The following LOC400499 variants were observed in gnomAD, a reference collection of about 807,000 sequenced individuals.
At chr16:11,434,234 GT>G in the LOC400499 span, among the ~76,000 whole-genome samples, 1 of 152,156 alleles carries the variant, frequency 6.6e-6, no homozygotes, top group Non-Finnish European at 1.5e-5. Flanking sequence ...TACTCTATAA[GT>G]AATAATGTAT....
chr16:11,521,846 C>T, the LOC400499 span: 3 of 397,638 alleles, frequency 7.5e-6, no homozygotes, highest in African/African-American at 6.2e-5. Context: ...CCTCAGAAAG[C>T]TCCTCTGTTG....
the LOC400499 span, chr16:11,384,802 G>T: frequency 1.7e-6 from 2 of 1,155,866 alleles, no homozygotes; most frequent in Non-Finnish European, 1.1e-6. Context: ...ATGCACGGTA[G>T]CCCCCTGCCG....
the LOC400499 span, among the ~76,000 whole-genome samples, chr16:11,422,166 C>T: frequency 1.3e-5 from 2 of 152,272 alleles, no homozygotes; most frequent in African/African-American, 2.4e-5. Context: ...TTTGGGAGGC[C>T]GAAACGGGCC....
At chr16:11,422,715 G>T in the LOC400499 span, among the ~76,000 whole-genome samples, 2 of 152,182 alleles carry the variant, frequency 1.3e-5, no homozygotes, top group Non-Finnish European at 2.9e-5. Context: ...ACGCTCAGGT[G>T]GCAGTGGTGG....
chr16:11,479,779 T>C, the LOC400499 span, among the ~76,000 whole-genome samples: 16 of 152,334 alleles, frequency 1.1e-4, no homozygotes, highest in African/African-American at 3.8e-4. Context: ...TTCTATCAAC[T>C]AAACTCCAGA....
chr16:11,519,268 GAATAT>G, the LOC400499 span, among the ~76,000 whole-genome samples: 7 of 152,204 alleles, frequency 4.6e-5, no homozygotes, highest in African/African-American at 1.7e-4. Context: ...GCACCAACAA[GAATAT>G]GTTACATTGT....
chr16:11,450,670 C>T, the LOC400499 span: 1 of 1,536,194 alleles, frequency 6.5e-7, no homozygotes. Flanking sequence ...GGGGCCCTGA[C>T]TCCTGCAGCC....
chr16:11,415,758 T>C, the LOC400499 span, among the ~76,000 whole-genome samples: 2 of 151,970 alleles, frequency 1.3e-5, no homozygotes, highest in Admixed American at 6.5e-5. Context: ...GGGGCGGCCA[T>C]ACCAGGCATC....
chr16:11,424,878 T>G, the LOC400499 span, among the ~76,000 whole-genome samples: 4 of 152,144 alleles, frequency 2.6e-5, no homozygotes, highest in Non-Finnish European at 5.9e-5. Context: ...GGAGGGCTGA[T>G]GGCAGCGGCT....
chr16:11,448,144 G>A, the LOC400499 span: 1 of 1,483,960 alleles, frequency 6.7e-7, no homozygotes, highest in Non-Finnish European at 8.9e-7. Context: ...CTTGCAGGAA[G>A]GCAAGAGGTA....
chr16:11,433,147 G>C, the LOC400499 span, among the ~76,000 whole-genome samples: 1 of 152,206 alleles, frequency 6.6e-6, no homozygotes, highest in South Asian at 2.1e-4. Context: ...AGTTGCAACA[G>C]AGACCATATG....
At chr16:11,491,611 G>A in the LOC400499 span, 11 of 377,570 alleles carry the variant, frequency 2.9e-5, no homozygotes, top group Non-Finnish European at 5.2e-5. Flanking sequence ...GGAGGGAGAG[G>A]ATGCTCTCAA....
At chr16:11,424,098 T>C in the LOC400499 span, 2 of 399,168 alleles carry the variant, frequency 5.0e-6, no homozygotes, top group Non-Finnish European at 4.4e-6. Flanking sequence ...TGCAGCCCCC[T>C]CCTCACTCAC....
At chr16:11,461,628 CAGA>C in the LOC400499 span, among the ~76,000 whole-genome samples, 2 of 152,228 alleles carry the variant, frequency 1.3e-5, no homozygotes, top group African/African-American at 2.4e-5. Flanking sequence ...TTCTGAGACA[CAGA>C]AGGTCAGCCA....
chr16:11,379,220 C>G, the LOC400499 span, among the ~76,000 whole-genome samples: 1 of 152,154 alleles, frequency 6.6e-6, no homozygotes, highest in African/African-American at 2.4e-5. Context: ...TGCACTCCAG[C>G]CTGGGCAACA....
chr16:11,513,771 G>A, the LOC400499 span, among the ~76,000 whole-genome samples: 1,164 of 152,172 alleles, frequency 7.6e-3, 16 homozygotes, highest in African/African-American at 0.027. Flanking sequence ...CCTTCCTAAT[G>A]GGGTTTTGAT....
chr16:11,470,244 C>T, the LOC400499 span, among the ~76,000 whole-genome samples: 16 of 152,110 alleles, frequency 1.1e-4, no homozygotes, highest in Admixed American at 5.9e-4. Context: ...GTGTCCTTGT[C>T]CCCCAGCTTC....
At chr16:11,478,568 G>T in the LOC400499 span, 2 of 399,056 alleles carry the variant, frequency 5.0e-6, no homozygotes, top group Non-Finnish European at 8.8e-6. Flanking sequence ...AAGTTAAGGG[G>T]CCAGTGGTTC....
chr16:11,513,950 G>C, the LOC400499 span, among the ~76,000 whole-genome samples: 1 of 152,158 alleles, frequency 6.6e-6, no homozygotes, highest in Non-Finnish European at 1.5e-5. Context: ...TATAGGCCTC[G>C]CTTGTTTCTT....
Sources: gnomAD v4.1 joint callset for allele counts (sites outside exome capture counted in the v4.1 genomes callset) on GRCh38, gnomAD v4.1.1 for gene constraint, MANE v1.5 for transcripts.